The following VBP1 variants were observed in gnomAD, a reference collection of about 807,000 sequenced individuals.
VBP1 encodes the protein prefoldin subunit 3.
In VBP1, 4 loss-of-function variants were observed where a neutral mutation model predicts 15.5. The ratio of observed to expected loss-of-function variants is 0.26; its 90% CI spans 0.13 to 0.59. VBP1 has a LOEUF of 0.59. Ranked by LOEUF, VBP1 falls within the 20% of genes least tolerant of loss-of-function variation. VBP1 has a pLI of 0.90. For missense variants in VBP1, 108 were observed against 139.6 expected (o/e 0.77, Z 1.14); for synonymous variants, 61 against 52.1 (o/e 1.17, Z -0.74).
At chrX:155,200,638 A>C (rs1429860125) in intron 1 of VBP1, among the ~76,000 whole-genome samples, 1 of 106,783 alleles carries the variant, frequency 9.4e-6, no homozygotes, top group African/African-American at 3.4e-5. Flanking sequence ...ATAGCACTAA[A>C]TGCCCACAAG....
intron 2 of VBP1, among the ~76,000 whole-genome samples, chrX:155,221,656 A>G (rs1232000678): frequency 1.8e-5 from 2 of 112,285 alleles, no homozygotes; most frequent in Non-Finnish European, 1.9e-5. Context: ...GGAGGGGCCA[A>G]GGAGGTTCAG....
At chrX:155,226,373 C>A (rs879986461) in intron 2 of VBP1, among the ~76,000 whole-genome samples, 1 of 112,051 alleles carries the variant, frequency 8.9e-6, no homozygotes, top group Admixed American at 9.4e-5. Flanking sequence ...TATCATATAA[C>A]TTATCCATTA....
At chrX:155,216,715 C>G (rs1481876587) in intron 1 of VBP1, 140 bp downstream of exon 1, 4 of 868,093 alleles carry the variant, frequency 4.6e-6, no homozygotes, top group Non-Finnish European at 4.8e-6. Context: ...GCTCTCACCC[C>G]TCGCACCTGG....
chrX:155,204,298 G>A (rs1180857994), intron 1 of VBP1, among the ~76,000 whole-genome samples: 10 of 110,828 alleles, frequency 9.0e-5, no homozygotes, highest in Admixed American at 1.9e-4. Context: ...GGTTACAGGC[G>A]TTTGACACCA....
chrX:155,224,008 G>A (rs2074705939), intron 2 of VBP1, among the ~76,000 whole-genome samples: 3 of 109,164 alleles, frequency 2.7e-5, no homozygotes, highest in Admixed American at 9.5e-5. Context: ...CAGACGGGGT[G>A]GCTGGGCAGA....
intron 1 of VBP1, 98 bp downstream of exon 1, chrX:155,216,673 A>G (rs2074666132): frequency 1.8e-6 from 2 of 1,102,090 alleles, no homozygotes; most frequent in African/African-American, 3.6e-5. Flanking sequence ...GAAGGAGCTG[A>G]GCCAAGTGTT....
chrX:155,220,478 G>A (rs1432932171), intron 2 of VBP1, among the ~76,000 whole-genome samples, 171 bp downstream of exon 2: 2 of 112,126 alleles, frequency 1.8e-5, no homozygotes, highest in Non-Finnish European at 3.8e-5. Flanking sequence ...CAGTTGTTCC[G>A]TATCCTTGCC....
chrX:155,213,209 A>G (rs1557308664), upstream of VBP1, among the ~76,000 whole-genome samples: 4 of 112,031 alleles, frequency 3.6e-5, no homozygotes, highest in African/African-American at 1.3e-4. Context: ...AAACTGAATC[A>G]GAAGGTCGAG....
chrX:155,235,611 A>T (rs1557311464), intron 4 of VBP1, among the ~76,000 whole-genome samples: 1 of 111,979 alleles, frequency 8.9e-6, no homozygotes, highest in Non-Finnish European at 1.9e-5. Context: ...AATCCCTAAC[A>T]TCTGTCAGAA....
At chrX:155,216,226 C>T (rs1001923243), upstream of VBP1, 1 of 486,643 alleles carries the variant, frequency 2.1e-6, no homozygotes, top group Non-Finnish European at 3.2e-6. Context: ...CCCAGGAGGA[C>T]GTATGGGTTT....
intron 4 of VBP1, among the ~76,000 whole-genome samples, chrX:155,233,276 C>T (rs1167388576): frequency 1.8e-5 from 2 of 111,323 alleles, no homozygotes; most frequent in Non-Finnish European, 3.8e-5. Flanking sequence ...TGGCAAAATC[C>T]GGTTCTCTGT....
chrX:155,216,111 C>G (rs1281313497), upstream of VBP1, among the ~76,000 whole-genome samples: 2 of 110,409 alleles, frequency 1.8e-5, no homozygotes, highest in Non-Finnish European at 3.8e-5. Flanking sequence ...TTGGGTCGCT[C>G]CAGAGGCCAT....
At chrX:155,230,914 G>A (rs1168256356) in intron 4 of VBP1, among the ~76,000 whole-genome samples, 1 of 111,481 alleles carries the variant, frequency 9.0e-6, no homozygotes, top group Non-Finnish European at 1.9e-5. Context: ...CTGGCCTCGG[G>A]TGATCTGCCC....
intron 4 of VBP1, 44 bp from the exon 5 acceptor site, chrX:155,236,185 C>T (rs372398756): frequency 6.1e-4 from 715 of 1,177,975 alleles, no homozygotes; most frequent in Non-Finnish European, 7.9e-4. Context: ...ACCTATAAAG[C>T]TCTGTGTAAA....
At position 155,220,668 on chromosome X, in the gene VBP1, CCCAA is replaced by C. The variant is rs1557309501; in HGVS notation, c.218+362_218+365del. On this transcript the variant is annotated intron_variant, in intron 2 of 5. Transcript: ENST00000286428. Reference sequence around the variant, plus strand: ...CATAAGACTTAATTAGTTATGAAATCCCAAGATTTCATAACTAATAGGCATAGGA... The same window carrying C: ...CATAAGACTTAATTAGTTATGAAATCGATTTCATAACTAATAGGCATAGGA... Among the ~76,000 whole-genome samples the C allele has an allele frequency of 2.7e-5, 3 of 111,695 alleles. No homozygotes were observed. The East Asian group carries it at 8.4e-4, about 31-fold the overall frequency.
At chrX:155,197,999 G>A (rs1261746372) in intron 1 of VBP1, among the ~76,000 whole-genome samples, 12 of 112,104 alleles carry the variant, frequency 1.1e-4, no homozygotes, top group Admixed American at 5.6e-4. Context: ...ACAGAATCTC[G>A]CTGATTGCTA....
chrX:155,233,484 A>G (rs1557311142), intron 4 of VBP1, among the ~76,000 whole-genome samples: 1 of 112,084 alleles, frequency 8.9e-6, no homozygotes, highest in Admixed American at 9.4e-5. Flanking sequence ...GGGCTCATAT[A>G]ACTAGATTAG....
intron 4 of VBP1, among the ~76,000 whole-genome samples, chrX:155,235,588 A>G (rs1236786863): frequency 1.8e-5 from 2 of 111,963 alleles, no homozygotes; most frequent in Non-Finnish European, 3.8e-5. Context: ...TGACAGACAC[A>G]TTACCTTGTC....
chrX:155,208,668 C>A (rs1191386455), intron 1 of VBP1, among the ~76,000 whole-genome samples: 1 of 111,623 alleles, frequency 9.0e-6, no homozygotes, highest in Non-Finnish European at 1.9e-5. Context: ...TGGTCTGTCA[C>A]ACTTTATCAC....
Sources: gnomAD v4.1 joint callset for allele counts (sites outside exome capture counted in the v4.1 genomes callset) on GRCh38, gnomAD v4.1.1 for gene constraint, MANE v1.5 for transcripts, NCBI Gene and HGNC (gene_info 2026-07-23, HGNC 2026-07-21) for gene names.